Variants in GALNT17 observed in about 807,000 individuals in gnomAD.
GALNT17 encodes the protein polypeptide N-acetylgalactosaminyltransferase 17.
A neutral mutation model predicts 63.7 loss-of-function variants in GALNT17; 29 were observed. The observed-to-expected ratio is 0.46, with a 90% CI of 0.34 to 0.62. The LOEUF is 0.62. Among genes scored for constraint, GALNT17 ranks in the 20% least tolerant of loss-of-function variants. The probability of loss-of-function intolerance (pLI) is 0.01; values close to 1 mark genes in which losing one functional copy is unlikely to be tolerated. For synonymous variants in GALNT17, 305 were observed against 318.3 expected (o/e 0.96, Z 0.45); for missense variants, 603 against 799.6 (o/e 0.75, Z 2.97).
At chr7:71,439,170 CA>C (rs546101178) in intron 5 of GALNT17, among the ~76,000 whole-genome samples, 74 of 152,216 alleles carry the variant, frequency 4.9e-4, no homozygotes, top group Admixed American at 2.7e-3. Flanking sequence ...ATTACTTTGC[CA>C]GGGGTGAACC....
At chr7:71,346,021 A>G (rs932980167) in intron 2 of GALNT17, among the ~76,000 whole-genome samples, 1 of 117,270 alleles carries the variant, frequency 8.5e-6, no homozygotes, top group Non-Finnish European at 1.7e-5. Context: ...GTCTCTACTA[A>G]AAATTAAAAA....
intron 1 of GALNT17, among the ~76,000 whole-genome samples, chr7:71,189,609 A>G (rs1435968364): frequency 6.6e-6 from 1 of 151,902 alleles, no homozygotes; most frequent in Non-Finnish European, 1.5e-5. Context: ...GGAACAATCA[A>G]GGCTTTGTGA....
intron 3 of GALNT17, among the ~76,000 whole-genome samples, chr7:71,398,689 G>A (rs1793183935): frequency 6.6e-6 from 1 of 152,160 alleles, no homozygotes; most frequent in African/African-American, 2.4e-5. Flanking sequence ...GGTGGAGGGG[G>A]AATGGGGAGT....
chr7:71,478,333 A>G (rs1178793282), intron 5 of GALNT17, among the ~76,000 whole-genome samples: 1 of 151,996 alleles, frequency 6.6e-6, no homozygotes, highest in Non-Finnish European at 1.5e-5. Context: ...TTGTTCTGAG[A>G]CAGTGTCTCA....
At chr7:71,646,747 C>CTTTTTT (rs60956531) in intron 6 of GALNT17, among the ~76,000 whole-genome samples, 1 of 128,108 alleles carries the variant, frequency 7.8e-6, no homozygotes, top group African/African-American at 3.0e-5. Context: ...TCCAAGTTTC[C>CTTTTTT]TTTTTTTTTT....
At position 71,535,706 on chromosome 7, in the gene GALNT17, A is replaced by G. The variant is rs528011126; in HGVS notation, c.963-35579A>G. Among the ~76,000 whole-genome samples, 5 of 152,312 alleles carry G rather than the reference A, an allele frequency of 3.3e-5. No homozygotes were observed. The South Asian group carries it at 8.3e-4, about 25-fold the overall frequency. Reference sequence around the variant, plus strand: ...TTTGTCTCTGGAGTTTGCATCAAACATCTGTGTTAGGAAGAGTGGCTAACA... The same window carrying G: ...TTTGTCTCTGGAGTTTGCATCAAACGTCTGTGTTAGGAAGAGTGGCTAACA... On this transcript the variant is annotated intron_variant, in intron 5 of 10. Transcript: ENST00000333538.
At chr7:71,303,162 CT>C (rs35900409) in intron 1 of GALNT17, among the ~76,000 whole-genome samples, 118,095 of 146,730 alleles carry the variant, frequency 0.8, 49,162 homozygotes, top group South Asian at 0.95. Flanking sequence ...TGCACCCAGC[CT>C]TTTTTTTTTT....
At chr7:71,167,056 T>TC (rs1472242484) in intron 1 of GALNT17, among the ~76,000 whole-genome samples, 1 of 148,358 alleles carries the variant, frequency 6.7e-6, no homozygotes, top group East Asian at 2.0e-4. Flanking sequence ...TTTTTTTTTT[T>TC]TTTTTTTTTT....
intron 5 of GALNT17, among the ~76,000 whole-genome samples, chr7:71,531,747 T>A (rs6947549): frequency 2.0e-5 from 3 of 152,050 alleles, no homozygotes; most frequent in Non-Finnish European, 4.4e-5. Flanking sequence ...GTACCACCAC[T>A]TCTGGTTTAA....
At chr7:71,230,868 C>T (rs773187437) in intron 1 of GALNT17, among the ~76,000 whole-genome samples, 7 of 152,054 alleles carry the variant, frequency 4.6e-5, no homozygotes, top group Non-Finnish European at 7.4e-5. Context: ...AAACCAACGT[C>T]GTCAAGATCA....
chr7:71,187,979 G>A (rs760088348), intron 1 of GALNT17, among the ~76,000 whole-genome samples: 3 of 152,210 alleles, frequency 2.0e-5, no homozygotes, highest in African/African-American at 7.2e-5. Flanking sequence ...ACAATGTTTG[G>A]TTTTTCCATT....
rs1789692249 is a variant in GALNT17, at chr7:71,584,855, C to A, written c.1080+13453C>A. ...CTGCAAGCTCTGCCTCTCGAGTTCA[C>A]GCCATTCTCCTGCCTCAGCCTCCGG... On this transcript the variant is annotated intron_variant, in intron 6 of 10. Transcript: ENST00000333538. Among the ~76,000 whole-genome samples, 6 of 152,102 alleles carry A rather than the reference C, an allele frequency of 3.9e-5. No individual in the cohort carries two copies. In the South Asian group the frequency reaches 1.2e-3, roughly 32 times the overall value.
At chr7:71,308,633 C>T (rs1043299358) in intron 1 of GALNT17, among the ~76,000 whole-genome samples, 3 of 151,682 alleles carry the variant, frequency 2.0e-5, no homozygotes, top group Admixed American at 6.6e-5. Flanking sequence ...GCACTTTGCA[C>T]GAGATAAATA....
intron 5 of GALNT17, among the ~76,000 whole-genome samples, chr7:71,491,467 G>A (rs1162680091): frequency 6.6e-6 from 1 of 152,150 alleles, no homozygotes; most frequent in Non-Finnish European, 1.5e-5. Flanking sequence ...TTATTTATGT[G>A]TTTGTACCCT....
intron 1 of GALNT17, among the ~76,000 whole-genome samples, chr7:71,147,819 G>A (rs1009370754): frequency 6.6e-6 from 1 of 152,006 alleles, no homozygotes; most frequent in East Asian, 1.9e-4. Context: ...TTTTAGTAGA[G>A]ATGAGGTTTC....
At chr7:71,141,602 T>G (rs978378617) in intron 1 of GALNT17, among the ~76,000 whole-genome samples, 1 of 151,846 alleles carries the variant, frequency 6.6e-6, no homozygotes, top group Non-Finnish European at 1.5e-5. Context: ...CTGTTTCCCA[T>G]CATATTCCCG....
chr7:71,285,757 T>C (rs1027644693), intron 1 of GALNT17, among the ~76,000 whole-genome samples: 2 of 152,186 alleles, frequency 1.3e-5, no homozygotes, highest in Admixed American at 1.3e-4. Context: ...ACACAGAATG[T>C]GCTGGTGCCT....
intron 5 of GALNT17, among the ~76,000 whole-genome samples, chr7:71,430,132 C>T (rs1786833992): frequency 6.6e-6 from 1 of 152,076 alleles, no homozygotes; most frequent in Non-Finnish European, 1.5e-5. Flanking sequence ...TGAGCAAGAG[C>T]CACTGCACCT....
At chr7:71,173,704 C>T (rs752107268) in intron 1 of GALNT17, among the ~76,000 whole-genome samples, 2 of 152,016 alleles carry the variant, frequency 1.3e-5, no homozygotes, top group Non-Finnish European at 2.9e-5. Flanking sequence ...ACCTGGGAGG[C>T]GGAGGTTGCA....
Sources: allele counts gnomAD v4.1 joint callset (sites outside exome capture counted in the v4.1 genomes callset), GRCh38; gene constraint gnomAD v4.1.1; transcripts MANE v1.5; gene names NCBI Gene and HGNC (gene_info 2026-07-23, HGNC 2026-07-21).